Variants in FGF12 observed in about 807,000 individuals in gnomAD.
The protein encoded by FGF12 is fibroblast growth factor 12, also known as fibroblast growth factor 12B.
Under a neutral mutation model 23.6 loss-of-function variants are expected in FGF12, and 14 were observed. The ratio of observed to expected loss-of-function variants is 0.59; its 90% confidence interval spans 0.39 to 0.93. FGF12 has a LOEUF of 0.93. Among genes scored for constraint, FGF12 ranks in the 40% least tolerant of loss-of-function variants. The pLI is 0.00. For missense variants in FGF12, 175 were observed against 217.8 expected, an observed-to-expected ratio of 0.80 and a Z score of 1.24; for synonymous variants, 62 against 77.3, an observed-to-expected ratio of 0.80 and a Z score of 1.04.
intron 2 of FGF12, among the ~76,000 whole-genome samples, chr3:192,531,241 G>C (rs1179131246): frequency 6.6e-6 from 1 of 152,158 alleles, no homozygotes; most frequent in Non-Finnish European, 1.5e-5. Flanking sequence ...CCACATTGTA[G>C]AGATTATGAT....
rs867808409 is a variant in FGF12 at position 192,286,472 on chromosome 3, T to G, written c.228+48889A>C. On this transcript the variant is annotated intron_variant, in intron 4 of 5. Coordinates refer to ENST00000445105, the MANE Select transcript of FGF12 (RefSeq NM_004113.6). ...CCTCTTTTTCAGTTGCTTAGAATGA[T>G]CTGCAATCTGACTGAATTGATTGAT... Among the ~76,000 whole-genome samples the G allele has an allele frequency of 5.3e-4, 80 of 152,160 alleles. 1 individual carries two copies. Among genetic ancestry groups the G allele is most frequent in the African/African-American group, 1.7e-3 (72 of 41,562 alleles).
chr3:192,245,257 G>A (rs1211120060), intron 4 of FGF12, among the ~76,000 whole-genome samples: 4 of 140,686 alleles, frequency 2.8e-5, no homozygotes, highest in Admixed American at 7.1e-5. Context: ...CACCATGCCC[G>A]GCAATTTTAT....
intron 3 of FGF12, among the ~76,000 whole-genome samples, chr3:192,358,488 G>A (rs371945679): frequency 6.9e-6 from 1 of 144,228 alleles, no homozygotes; most frequent in Non-Finnish European, 1.5e-5. Context: ...GTGTGTGTGT[G>A]TATGTGGGTT....
chr3:192,486,273 A>G (rs1723630023), intron 2 of FGF12, among the ~76,000 whole-genome samples: 2 of 152,166 alleles, frequency 1.3e-5, no homozygotes, highest in Non-Finnish European at 1.5e-5. Flanking sequence ...CACTCAAATG[A>G]GTGAGACAGA....
chr3:192,678,549 C>A (rs962224208), intron 2 of FGF12, among the ~76,000 whole-genome samples: 2 of 152,218 alleles, frequency 1.3e-5, no homozygotes, highest in Non-Finnish European at 2.9e-5. Flanking sequence ...ACTCAACTTT[C>A]TCAGTTTCTC....
chr3:192,561,911 GAAAAAAAGAAAGA>G (rs1416554578), intron 2 of FGF12, among the ~76,000 whole-genome samples: 1 of 94,088 alleles, frequency 1.1e-5, no homozygotes, highest in East Asian at 4.9e-4. Flanking sequence ...TAATAATAAA[GAAAAAAAGAAAGA>G]AAAAAAAAAG....
chr3:192,468,850 A>G (rs570264214), intron 2 of FGF12, among the ~76,000 whole-genome samples: 2 of 152,252 alleles, frequency 1.3e-5, no homozygotes, highest in South Asian at 4.1e-4. Context: ...CGGAACAGTG[A>G]TTTTTCTATT....
chr3:192,710,660 G>C (rs1412900317), intron 2 of FGF12, among the ~76,000 whole-genome samples: 1 of 152,164 alleles, frequency 6.6e-6, no homozygotes, highest in Non-Finnish European at 1.5e-5. Flanking sequence ...TGGTGGAAAG[G>C]TTGTTTTTAG....
chr3:192,693,414 AT>A (rs1718008094), intron 2 of FGF12, among the ~76,000 whole-genome samples: 1 of 152,190 alleles, frequency 6.6e-6, no homozygotes, highest in Non-Finnish European at 1.5e-5. Flanking sequence ...TGGAAAATTA[AT>A]TCTAAAATTT....
At chr3:192,383,409 C>A (rs1719909758) in intron 2 of FGF12, among the ~76,000 whole-genome samples, 1 of 151,698 alleles carries the variant, frequency 6.6e-6, no homozygotes, top group Admixed American at 6.6e-5. Flanking sequence ...GGGGAAAAGG[C>A]AGTCAAGGTG....
Position 192,695,414 on chromosome 3 carries a change from C to A in FGF12, c.13+31767G>T, listed in dbSNP as rs1029545633. On this transcript the variant is annotated intron_variant, in intron 2 of 5. Coordinates refer to ENST00000445105, the MANE Select transcript of FGF12 (RefSeq NM_004113.6). The stretch of plus-strand genomic sequence containing the variant: ...TAAGGGAGAAATGTCCCTTTGTGTT[C>A]CATTATCATTTTGCATGTACATATA... 2.0e-5 allele frequency among the ~76,000 whole-genome samples: 3 copies of A among 152,114 alleles called. No individual in the cohort carries two copies. In the East Asian group the frequency reaches 5.8e-4, roughly 29 times the overall value.
chr3:192,444,414 CT>C (rs142086355), intron 2 of FGF12, among the ~76,000 whole-genome samples: 3 of 151,448 alleles, frequency 2.0e-5, no homozygotes, highest in South Asian at 2.1e-4. Context: ...TTCCTTTTGT[CT>C]TTTTTTTTAT....
chr3:192,238,625 A>C (rs1719431535), intron 4 of FGF12: 1 of 152,262 alleles, frequency 6.6e-6, no homozygotes, highest in South Asian at 2.1e-4. Flanking sequence ...GCCACTGGAC[A>C]GACTTGTAAA....
At chr3:192,231,991 C>T (rs1719046922) in intron 4 of FGF12, among the ~76,000 whole-genome samples, 2 of 152,096 alleles carry the variant, frequency 1.3e-5, no homozygotes, top group African/African-American at 4.8e-5. Flanking sequence ...CATTGCTCAA[C>T]GACGTAGAGA....
At chr3:192,194,850 A>G (rs1372247704) in intron 4 of FGF12, among the ~76,000 whole-genome samples, 1 of 152,240 alleles carries the variant, frequency 6.6e-6, no homozygotes, top group Non-Finnish European at 1.5e-5. Flanking sequence ...AAAAATTAAA[A>G]TACAGTGCAA....
chr3:192,176,673 A>G (rs1429677461), intron 4 of FGF12, among the ~76,000 whole-genome samples: 1 of 152,246 alleles, frequency 6.6e-6, no homozygotes, highest in African/African-American at 2.4e-5. Context: ...TTTGAAGATT[A>G]AGTAAAATGA....
chr3:192,321,517 CA>C (rs1011707219), intron 4 of FGF12, among the ~76,000 whole-genome samples: 46 of 141,878 alleles, frequency 3.2e-4, no homozygotes, highest in African/African-American at 1.1e-3. Flanking sequence ...AAAAACCACA[CA>C]AAAAAACTAT....
chr3:192,258,021 T>TA (rs200983417), intron 4 of FGF12, among the ~76,000 whole-genome samples: 7,665 of 135,554 alleles, frequency 0.057, 228 homozygotes, highest in South Asian at 0.083. Context: ...TGGTAAAATT[T>TA]AAAAAAAAAA....
chr3:192,336,063 G>T lies in FGF12; in HGVS notation c.125-599C>A, dbSNP rs528434060. ...TAAACAGATGGACAGATGATTGATA[G>T]ATAGCTTAAGCTGTAATGGATATAT... is the stretch of plus-strand genomic sequence containing the variant. On this transcript the variant is annotated intron_variant, in intron 3 of 5. Coordinates refer to ENST00000445105, the MANE Select transcript of FGF12 (RefSeq NM_004113.6). The surrounding 1 kb of genome is among the most constrained non-coding windows in gnomAD (Gnocchi z 4.3). Among the ~76,000 whole-genome samples, 1 of 151,128 alleles carries T rather than the reference G, an allele frequency of 6.6e-6. No individual in the cohort carries two copies. The highest frequency in any genetic ancestry group is 2.1e-4 in the South Asian group (1 of 4,792).
Sources: gnomAD v4.1 joint callset for allele counts (sites outside exome capture counted in the v4.1 genomes callset) on GRCh38, gnomAD v4.1.1 for gene constraint, Gnocchi (gnomAD v3.1) non-coding constraint, MANE v1.5 for transcripts, NCBI Gene and HGNC (gene_info 2026-07-23, HGNC 2026-07-21) for gene names.